Variants in GABRB3 observed in about 807,000 individuals in gnomAD.
GABRB3 encodes gamma-aminobutyric acid receptor subunit beta-3.
In GABRB3, 14 loss-of-function variants were observed where a neutral mutation model predicts 52.1. That is an observed-to-expected ratio of 0.27 (90% CI 0.18 to 0.42). The LOEUF (loss-of-function observed/expected upper bound fraction) is 0.42, where lower values mean the gene tolerates loss of function less well. GABRB3 is among the 10% of genes least tolerant of loss of function. The probability of loss-of-function intolerance (pLI) is 1.00; values close to 1 mark genes in which losing one functional copy is unlikely to be tolerated. For missense variants in GABRB3, 307 were observed against 609.1 expected (o/e 0.50, Z 5.22); for synonymous variants, 260 against 232.3 (o/e 1.12, Z -1.08).
At chr15:26,555,949 G>C (rs1228278004) in intron 8 of GABRB3, among the ~76,000 whole-genome samples, 3 of 152,092 alleles carry the variant, frequency 2.0e-5, no homozygotes, top group Non-Finnish European at 4.4e-5. Context: ...CTAAAAATCT[G>C]TTAAATCTTA....
chr15:26,742,731 A>G (rs1890240774), intron 3 of GABRB3, among the ~76,000 whole-genome samples: 1 of 152,164 alleles, frequency 6.6e-6, no homozygotes, highest in South Asian at 2.1e-4. Flanking sequence ...ATGCTTAAGG[A>G]AAGTCCTGTA....
chr15:26,572,311 G>A (rs1357979201), intron 6 of GABRB3, among the ~76,000 whole-genome samples: 1 of 152,222 alleles, frequency 6.6e-6, no homozygotes, highest in Non-Finnish European at 1.5e-5. Flanking sequence ...ACACGCCTAA[G>A]TGATTTAGGA....
chr15:26,772,909 C>T lies in GABRB3; in HGVS notation c.54G>A (p.Leu18=). ...TCTGGGCGCAGCACACCACAGCCAC[C>T]AGCACCGGGGCCGAGAAGATGCCGA... is the stretch of plus-strand genomic sequence containing the variant. ...RLFGIFSAPV[L]VAVVCCAQSV... The change falls in exon 1 of 9, where the codon CTG becomes CTA. Residue 18 remains leucine, a synonymous_variant. Transcript: ENST00000311550. 1 of 1,499,870 alleles carries T rather than the reference C, an allele frequency of 6.7e-7. No individual in the cohort carries two copies. The highest frequency in any genetic ancestry group is 8.9e-7 in the Non-Finnish European group (1 of 1,123,792). The allele number at this position is 1,499,870 out of a possible 1,614,324, so 92.9% of individuals were successfully genotyped here. A position where few individuals can be genotyped will look rare whatever the true frequency, so the allele number is the denominator to read the frequency against.
chr15:26,554,158 A>AT (rs1889631857), intron 8 of GABRB3, among the ~76,000 whole-genome samples: 1 of 30,276 alleles, frequency 3.3e-5, no homozygotes, highest in Non-Finnish European at 5.6e-5. Flanking sequence ...ATATATATAT[A>AT]AAGTATATAT....
intron 3 of GABRB3, among the ~76,000 whole-genome samples, chr15:26,761,009 T>TA (rs1201092565): frequency 6.6e-6 from 1 of 152,156 alleles, no homozygotes; most frequent in Non-Finnish European, 1.5e-5. Context: ...CTTATGAGAG[T>TA]ACTGTGCTTT....
intron 3 of GABRB3, among the ~76,000 whole-genome samples, chr15:26,768,353 G>C (rs1891053233): frequency 6.6e-6 from 1 of 152,116 alleles, no homozygotes; most frequent in Admixed American, 6.6e-5. Context: ...ATACCAGATA[G>C]TTAATGAAGT....
At chr15:26,575,124 T>C (rs563472091) in intron 6 of GABRB3, among the ~76,000 whole-genome samples, 1 of 152,312 alleles carries the variant, frequency 6.6e-6, no homozygotes, top group Admixed American at 6.5e-5. Flanking sequence ...CTGGAGGTCT[T>C]AAAGGCAATT....
chr15:26,620,451 C>G (rs968176908), intron 4 of GABRB3, among the ~76,000 whole-genome samples: 5 of 152,176 alleles, frequency 3.3e-5, no homozygotes, highest in African/African-American at 1.2e-4. Flanking sequence ...GGGCTCACAA[C>G]ACTTTCAGAT....
At position 26,544,328 on chromosome 15, in the gene GABRB3, C is replaced by G. The variant is rs1889143399; in HGVS notation, c.*3465G>C. The stretch of plus-strand genomic sequence containing the variant: ...GTGCCTGTCCCCTTAAAACCAGCCC[C>G]AGACTCGTTTGGCATCACCTTTGAG... On this transcript the variant is annotated 3_prime_UTR_variant, in exon 9 of 9. Transcript: ENST00000311550. The G allele has an allele frequency of 6.6e-6, 1 of 152,582 alleles. No homozygotes were observed. The highest frequency in any genetic ancestry group is 2.1e-4 in the South Asian group (1 of 4,832). 9.5% of individuals were successfully genotyped at this position (152,582 alleles called of 1,614,324 possible).
chr15:26,626,837 A>T (rs1183207651), intron 3 of GABRB3, among the ~76,000 whole-genome samples: 1 of 152,366 alleles, frequency 6.6e-6, no homozygotes, highest in East Asian at 1.9e-4. Context: ...AAGCTGCAGC[A>T]AGTTATCCAG....
rs180953349 is a variant in GABRB3, at chr15:26,660,311, A to C, written c.241-38777T>G. Among the ~76,000 whole-genome samples the C allele has an allele frequency of 5.5e-4, 83 of 152,270 alleles. No homozygotes were observed. The Middle Eastern group carries it at 0.014, about 25-fold the overall frequency. On this transcript the variant is annotated intron_variant, in intron 3 of 8. Transcript: ENST00000311550. ...TCTAGATACTCAGTTGATTAGGAGAAATATGGCTATTTCCATAGCAACCGA... is the reference window on the plus strand; with the variant it reads ...TCTAGATACTCAGTTGATTAGGAGACATATGGCTATTTCCATAGCAACCGA...
intron 8 of GABRB3, among the ~76,000 whole-genome samples, chr15:26,556,777 C>A (rs959979105): frequency 6.6e-6 from 1 of 152,060 alleles, no homozygotes; most frequent in African/African-American, 2.4e-5. Flanking sequence ...TCACTAAAAC[C>A]ATAGTACCAA....
At chr15:26,615,832 G>T (rs1008655304) in intron 4 of GABRB3, 2 of 1,217,480 alleles carry the variant, frequency 1.6e-6, no homozygotes, top group Non-Finnish European at 2.1e-6. Flanking sequence ...GTGTCCAGGG[G>T]TGAGAGAAAT....
At chr15:26,567,492 T>C in intron 7 of GABRB3, 89 bp downstream of exon 7, 3 of 1,294,392 alleles carry the variant, frequency 2.3e-6, no homozygotes, top group Non-Finnish European at 3.3e-6. Flanking sequence ...TGTCAAAAAA[T>C]GGTAGTTGAA....
intron 3 of GABRB3, among the ~76,000 whole-genome samples, chr15:26,754,759 C>T (rs753769302): frequency 2.2e-4 from 33 of 152,204 alleles, no homozygotes; most frequent in Middle Eastern, 3.4e-3. Flanking sequence ...ATCAAGGCAA[C>T]GACACAAAGG....
At chr15:26,554,127 G>GTGTATATATATATAAAGTATA (rs1555400818) in intron 8 of GABRB3, among the ~76,000 whole-genome samples, 2 of 22,580 alleles carry the variant, frequency 8.9e-5, no homozygotes, top group Non-Finnish European at 1.8e-4. Context: ...AAGTGTGTGT[G>GTGTATATATATATAAAGTATA]TATATATATA....
At chr15:26,618,079 G>A in intron 4 of GABRB3, among the ~76,000 whole-genome samples, 1 of 152,118 alleles carries the variant, frequency 6.6e-6, no homozygotes, top group Non-Finnish European at 1.5e-5. Context: ...TCATGAAAAT[G>A]GCCATACTGC....
intron 3 of GABRB3, among the ~76,000 whole-genome samples, chr15:26,734,772 T>TA (rs923263544): frequency 8.9e-4 from 136 of 152,030 alleles, no homozygotes; most frequent in African/African-American, 3.2e-3. Flanking sequence ...ACCCCATCTC[T>TA]AAAAAATTTA....
intron 3 of GABRB3, among the ~76,000 whole-genome samples, chr15:26,679,207 G>A (rs1453060863): frequency 6.6e-6 from 1 of 152,084 alleles, no homozygotes; most frequent in Admixed American, 6.5e-5. Flanking sequence ...AACTCTTTTG[G>A]GGGGAAAGTC....
Sources: allele counts gnomAD v4.1 joint callset (sites outside exome capture counted in the v4.1 genomes callset), GRCh38; gene constraint gnomAD v4.1.1; transcripts MANE v1.5; gene names NCBI Gene and HGNC (gene_info 2026-07-23, HGNC 2026-07-21).